The following FLI1 variants were observed in gnomAD, a reference collection of about 807,000 sequenced individuals.
The protein encoded by FLI1 is Fli-1 proto-oncogene, ETS transcription factor, also known as Friend leukemia integration 1 transcription factor.
A neutral mutation model predicts 53.1 loss-of-function variants in FLI1; 13 were observed. The observed-to-expected ratio is 0.24, with a 90% CI of 0.16 to 0.39. The LOEUF (loss-of-function observed/expected upper bound fraction) is 0.39. Among genes scored for constraint, FLI1 ranks in the 10% least tolerant of loss-of-function variants. The pLI is 1.00. For missense variants in FLI1, 424 were observed against 600.5 expected (o/e 0.71, Z 3.07); for synonymous variants, 244 against 236.7 (o/e 1.03, Z -0.28).
chr11:128,694,289 G>T lies in FLI1; in HGVS notation c.18+13G>T. ...CGGGACTATTAAGGTAAGCGGCGGG[G>T]CAACGGACGCGGGCGGCGGGGACCG... On this transcript the variant is annotated intron_variant, in intron 1 of 8. Coordinates refer to ENST00000527786, the MANE Select transcript of FLI1 (RefSeq NM_002017.5). 7.3e-7 allele frequency: 1 copy of T among 1,365,754 alleles called. No individual in the cohort carries two copies. Among genetic ancestry groups the T allele is most frequent in the Non-Finnish European group, 9.5e-7 (1 of 1,048,710 alleles). 84.6% of individuals were successfully genotyped at this position (1,365,754 alleles called of 1,614,324 possible).
chr11:128,788,445 G>C (rs1056408993), intron 5 of FLI1, among the ~76,000 whole-genome samples: 16 of 152,042 alleles, frequency 1.1e-4, no homozygotes, highest in African/African-American at 3.9e-4. Context: ...CTCCAGCCTG[G>C]GTGACAGAGT....
chr11:128,802,325 T>G (rs971088219), intron 5 of FLI1, among the ~76,000 whole-genome samples: 7 of 152,228 alleles, frequency 4.6e-5, no homozygotes, highest in East Asian at 1.9e-4. Context: ...AGTGCTTTTG[T>G]TAAACCCCAG....
intron 1 of FLI1, among the ~76,000 whole-genome samples, chr11:128,742,929 G>T (rs1199247035): frequency 2.0e-5 from 3 of 152,154 alleles, no homozygotes; most frequent in Non-Finnish European, 2.9e-5. Context: ...GGACCACAAG[G>T]TTCCCCATGG....
Position 128,767,977 on chromosome 11 carries a change from A to G in FLI1, c.231-141A>G, listed in dbSNP as rs12363294. 0.052 allele frequency: 33,020 copies of G among 630,398 alleles called. 1,256 individuals carry two copies. Among genetic ancestry groups the G allele is most frequent in the African/African-American group, 0.16 (8,523 of 54,614 alleles). The allele number at this position is 630,398 out of a possible 1,614,324, so 39.1% of individuals were successfully genotyped here. Reference sequence around the variant, plus strand: ...GCAGCATGGAGGATAGAAAGAGGGCATCATCATCATCATGACACCAAGTGT... The same window carrying G: ...GCAGCATGGAGGATAGAAAGAGGGCGTCATCATCATCATGACACCAAGTGT... On this transcript the variant is annotated intron_variant, in intron 2 of 8. Transcript: ENST00000527786.
chr11:128,725,946 G>A (rs1939456712), intron 1 of FLI1, among the ~76,000 whole-genome samples: 1 of 152,190 alleles, frequency 6.6e-6, no homozygotes, highest in African/African-American at 2.4e-5. Context: ...CAAGGACAAG[G>A]CAGAAGAGAA....
At chr11:128,722,566 C>T (rs1939298527) in intron 1 of FLI1, among the ~76,000 whole-genome samples, 1 of 152,162 alleles carries the variant, frequency 6.6e-6, no homozygotes, top group African/African-American at 2.4e-5. Context: ...CATTTTTAAC[C>T]TGTATTTGAA....
At chr11:128,714,864 A>G (rs1389327625) in intron 1 of FLI1, among the ~76,000 whole-genome samples, 1 of 151,762 alleles carries the variant, frequency 6.6e-6, no homozygotes, top group Non-Finnish European at 1.5e-5. Context: ...ACGCACCACC[A>G]CGCCCAGCTA....
chr11:128,692,387 A>C (rs1937779192), upstream of FLI1, among the ~76,000 whole-genome samples: 1 of 152,036 alleles, frequency 6.6e-6, no homozygotes, highest in Non-Finnish European at 1.5e-5. Flanking sequence ...CCCTGGATTG[A>C]GAAGCAGACA....
chr11:128,708,337 T>C (rs559891731), intron 1 of FLI1, among the ~76,000 whole-genome samples: 1 of 152,322 alleles, frequency 6.6e-6, no homozygotes. Context: ...TTTAACTCCC[T>C]TCTGATTGGA....
intron 1 of FLI1, among the ~76,000 whole-genome samples, chr11:128,747,413 T>A (rs1019691522): frequency 1.3e-5 from 2 of 152,146 alleles, no homozygotes. Context: ...GAAGCAGCCC[T>A]CCCTGCAGGT....
intron 5 of FLI1, among the ~76,000 whole-genome samples, chr11:128,803,262 C>T (rs977065881): frequency 6.6e-6 from 1 of 152,194 alleles, no homozygotes; most frequent in Admixed American, 6.5e-5. Flanking sequence ...TTCACCACAC[C>T]CTGTTTTCTA....
intron 1 of FLI1, among the ~76,000 whole-genome samples, chr11:128,752,827 C>A (rs1172986349): frequency 6.6e-6 from 1 of 152,134 alleles, no homozygotes; most frequent in Admixed American, 6.5e-5. Flanking sequence ...TCTGTAACGA[C>A]GACAGAGGGT....
intron 1 of FLI1, among the ~76,000 whole-genome samples, chr11:128,746,406 A>G (rs1193530559): frequency 6.6e-6 from 1 of 152,200 alleles, no homozygotes; most frequent in African/African-American, 2.4e-5. Context: ...GAAAAACTGC[A>G]GAACCTGCCG....
chr11:128,810,380 C>G lies in FLI1; in HGVS notation c.830-79C>G. Reference sequence around the variant, plus strand: ...GGTTTCTTTAAAAGGATGAGAAGCTCCCTGCATTTAGGGAACTGGGTTCTG... The same window carrying G: ...GGTTTCTTTAAAAGGATGAGAAGCTGCCTGCATTTAGGGAACTGGGTTCTG... On this transcript the variant is annotated intron_variant, in intron 8 of 8. Transcript: ENST00000527786. This position sits in a 1 kb window ranked among gnomAD's most constrained non-coding sequence, Gnocchi z 6.6. The G allele has an allele frequency of 7.3e-7, 1 of 1,371,972 alleles. No individual in the cohort carries two copies. Among genetic ancestry groups the G allele is most frequent in the Non-Finnish European group, 9.9e-7 (1 of 1,009,506 alleles). The allele number at this position is 1,371,972 out of a possible 1,614,324, so 85.0% of individuals were successfully genotyped here. A position where few individuals can be genotyped will look rare whatever the true frequency, so the allele number is the denominator to read the frequency against.
chr11:128,800,532 C>A (rs1942603029), intron 5 of FLI1, among the ~76,000 whole-genome samples: 1 of 152,134 alleles, frequency 6.6e-6, no homozygotes, highest in South Asian at 2.1e-4. Flanking sequence ...TTTCTAGGAC[C>A]AGGTTAAAAG....
intron 1 of FLI1, among the ~76,000 whole-genome samples, chr11:128,710,384 G>A (rs1217942588): frequency 6.6e-6 from 1 of 151,890 alleles, no homozygotes; most frequent in Non-Finnish European, 1.5e-5. Flanking sequence ...GTTATCCTTG[G>A]CCAACAGAAT....
chr11:128,758,059 C>T (rs1411929550), intron 1 of FLI1, 56 bp from the exon 2 acceptor site: 1 of 1,488,958 alleles, frequency 6.7e-7, no homozygotes, highest in Non-Finnish European at 9.2e-7. Flanking sequence ...GCAAGAGTGT[C>T]ACTTGCTTGG....
intron 1 of FLI1, chr11:128,695,772 G>C (rs1938047696): frequency 1.3e-5 from 2 of 152,220 alleles, no homozygotes; most frequent in Non-Finnish European, 2.9e-5. Flanking sequence ...CCCGAGAGTG[G>C]GGGTCATTGG....
At chr11:128,728,647 G>A (rs1939574142) in intron 1 of FLI1, among the ~76,000 whole-genome samples, 1 of 152,232 alleles carries the variant, frequency 6.6e-6, no homozygotes, top group Admixed American at 6.5e-5. Flanking sequence ...TTGCAGTAAG[G>A]GAAGCCAAAC....
Sources: gnomAD v4.1 joint callset for allele counts (sites outside exome capture counted in the v4.1 genomes callset) on GRCh38, gnomAD v4.1.1 for gene constraint, Gnocchi (gnomAD v3.1) non-coding constraint, MANE v1.5 for transcripts, NCBI Gene and HGNC (gene_info 2026-07-23, HGNC 2026-07-21) for gene names.